UBE3D: variants seen among roughly 807,000 people sequenced by gnomAD.
The protein encoded by UBE3D is ubiquitin protein ligase E3D.
UBE3D carries 48 observed loss-of-function variants against 49.6 expected under a neutral mutation model. That is an observed-to-expected ratio of 0.97 (90% CI 0.77 to 1.23). UBE3D has a LOEUF of 1.23. Ranked by LOEUF, UBE3D falls within the 50% of genes most tolerant of loss-of-function variation. The pLI is 0.00. For synonymous variants in UBE3D, 189 were observed against 174.2 expected (o/e 1.08, Z -0.67); for missense variants, 452 against 468.4 (o/e 0.96, Z 0.32).
intron 8 of UBE3D, among the ~76,000 whole-genome samples, chr6:82,970,380 A>G (rs1324750055): frequency 6.6e-6 from 1 of 152,102 alleles, no homozygotes; most frequent in Non-Finnish European, 1.5e-5. Context: ...TAATAAAAAA[A>G]ATTTTAAATC....
chr6:82,885,364 T>C, the UBE3D span, among the ~76,000 whole-genome samples: 1 of 152,116 alleles, frequency 6.6e-6, no homozygotes, highest in Non-Finnish European at 1.5e-5. Flanking sequence ...ATCAATTCCA[T>C]AGGGGATGAC....
At position 82,942,834 on chromosome 6, in the gene UBE3D, G is replaced by A. The variant is rs557973976; in HGVS notation, c.1149+14478C>T. Among the ~76,000 whole-genome samples the A allele has an allele frequency of 2.6e-5, 4 of 152,360 alleles. No homozygotes were observed. The East Asian group carries it at 7.7e-4, about 29-fold the overall frequency. Reference sequence around the variant, plus strand: ...TGCTAGGGCAGTGAGGAGCAGAAATGTGGGGTCTGAGCCCCCACACAGAGT... The same window carrying A: ...TGCTAGGGCAGTGAGGAGCAGAAATATGGGGTCTGAGCCCCCACACAGAGT... On this transcript the variant is annotated intron_variant, in intron 9 of 9. Coordinates refer to ENST00000369747, the MANE Select transcript of UBE3D (RefSeq NM_198920.3).
At chr6:83,050,682 TAAG>T (rs1459866738) in intron 3 of UBE3D, among the ~76,000 whole-genome samples, 17 of 152,268 alleles carry the variant, frequency 1.1e-4, no homozygotes, top group South Asian at 6.2e-4. Context: ...GCGGGAGAAA[TAAG>T]AAGAACACTG....
intron 9 of UBE3D, chr6:82,938,207 T>C (rs1774735560): frequency 6.6e-6 from 1 of 152,174 alleles, no homozygotes; most frequent in African/African-American, 2.4e-5. Context: ...CACTTACATA[T>C]GTAATTTAAC....
chr6:83,020,036 G>A (rs1780977111), intron 7 of UBE3D, among the ~76,000 whole-genome samples: 1 of 152,202 alleles, frequency 6.6e-6, no homozygotes, highest in African/African-American at 2.4e-5. Context: ...AACCCAGTAT[G>A]GGGTCTGGGT....
intron 8 of UBE3D, among the ~76,000 whole-genome samples, chr6:82,983,742 T>C (rs1778272126): frequency 6.6e-6 from 1 of 152,160 alleles, no homozygotes; most frequent in Admixed American, 6.6e-5. Context: ...ACAGTCTCAG[T>C]TTATTACTAC....
chr6:82,893,258 C>T (rs958246647), intron 9 of UBE3D, among the ~76,000 whole-genome samples: 10 of 152,076 alleles, frequency 6.6e-5, no homozygotes, highest in Admixed American at 3.9e-4. Flanking sequence ...ATGATTCACA[C>T]GCATTTTAAA....
At chr6:82,919,893 C>T (rs62430477) in intron 9 of UBE3D, among the ~76,000 whole-genome samples, 20,780 of 152,118 alleles carry the variant, frequency 0.14, 1,453 homozygotes, top group South Asian at 0.16. Flanking sequence ...GTTTCGACAT[C>T]TATCCCAATA....
chr6:82,920,403 C>T (rs1180427572), intron 9 of UBE3D, among the ~76,000 whole-genome samples: 1 of 152,208 alleles, frequency 6.6e-6, no homozygotes. Context: ...GATAAGACCA[C>T]ATTGATCTAT....
At chr6:83,025,587 A>T (rs996733043) in intron 5 of UBE3D, among the ~76,000 whole-genome samples, 2 of 152,168 alleles carry the variant, frequency 1.3e-5, no homozygotes, top group African/African-American at 4.8e-5. Flanking sequence ...AAGGCCTTAA[A>T]ATTGTATATG....
chr6:83,006,981 A>C (rs549381018), intron 8 of UBE3D, among the ~76,000 whole-genome samples: 1 of 152,324 alleles, frequency 6.6e-6, no homozygotes, highest in East Asian at 1.9e-4. Context: ...AAAAAAGATA[A>C]GGAAATACTA....
At position 83,032,191 on chromosome 6, in the gene UBE3D, A is replaced by C. The variant is rs1781924458; in HGVS notation, c.667+6225T>G. On this transcript the variant is annotated intron_variant, in intron 5 of 9. Coordinates refer to ENST00000369747, the MANE Select transcript of UBE3D (RefSeq NM_198920.3). ...ACAGCTTACACCGTATGCCTAGAAA[A>C]GCCACAGTACCTCAACACCAGCCCA... 1.1e-5 allele frequency: 5 copies of C among 456,052 alleles called. No homozygotes were observed. The Admixed American group carries it at 1.2e-4, about 11-fold the overall frequency. 28.3% of individuals were successfully genotyped at this position (456,052 alleles called of 1,614,324 possible).
intron 7 of UBE3D, among the ~76,000 whole-genome samples, chr6:83,020,084 T>C (rs1203136600): frequency 6.6e-6 from 1 of 152,162 alleles, no homozygotes; most frequent in Non-Finnish European, 1.5e-5. Flanking sequence ...GATAAATTAG[T>C]ACAACTTTTT....
chr6:82,981,029 A>G (rs1223119911), intron 8 of UBE3D, among the ~76,000 whole-genome samples: 2 of 152,050 alleles, frequency 1.3e-5, no homozygotes, highest in African/African-American at 4.8e-5. Context: ...TATTAAAATA[A>G]TCCTACCATG....
intron 8 of UBE3D, among the ~76,000 whole-genome samples, chr6:82,971,509 T>C (rs1777349577): frequency 6.6e-6 from 1 of 151,984 alleles, no homozygotes; most frequent in Admixed American, 6.6e-5. Flanking sequence ...ACCCACTCTG[T>C]CCCAAAGTGG....
chr6:82,985,664 G>A (rs1040052400), intron 8 of UBE3D, among the ~76,000 whole-genome samples: 1 of 152,088 alleles, frequency 6.6e-6, no homozygotes, highest in Non-Finnish European at 1.5e-5. Flanking sequence ...ACCCGGCCAT[G>A]TGGTTTTCTT....
At chr6:83,000,856 T>G (rs1779580346) in intron 8 of UBE3D, among the ~76,000 whole-genome samples, 2 of 151,976 alleles carry the variant, frequency 1.3e-5, no homozygotes, top group Admixed American at 1.3e-4. Flanking sequence ...TTTTTTTTTT[T>G]TTTTTGAGAC....
intron 3 of UBE3D, among the ~76,000 whole-genome samples, chr6:83,046,669 T>TGGGGGGGG (rs1554211608): frequency 3.2e-4 from 3 of 9,376 alleles, no homozygotes; most frequent in African/African-American, 6.7e-4. Context: ...TTCTTGCAGT[T>TGGGGGGGG]GGCGGGGGGG....
At chr6:82,999,947 A>C (rs983318075) in intron 8 of UBE3D, among the ~76,000 whole-genome samples, 1 of 152,152 alleles carries the variant, frequency 6.6e-6, no homozygotes, top group African/African-American at 2.4e-5. Context: ...TACATTCAAC[A>C]TCTTACCTGA....
Sources: allele counts gnomAD v4.1 joint callset (sites outside exome capture counted in the v4.1 genomes callset), GRCh38; gene constraint gnomAD v4.1.1; transcripts MANE v1.5; gene names NCBI Gene and HGNC (gene_info 2026-07-23, HGNC 2026-07-21).